RNF145: variants seen among roughly 807,000 people sequenced by gnomAD.
RNF145 encodes ring finger protein 145.
RNF145 carries 12 observed loss-of-function variants against 57.3 expected under a neutral mutation model. The ratio of observed to expected loss-of-function variants is 0.21; its 90% confidence interval spans 0.13 to 0.34. The LOEUF is 0.34. Ranked by LOEUF, RNF145 falls within the 10% of genes least tolerant of loss-of-function variation. The pLI, the probability that RNF145 is intolerant of heterozygous loss-of-function variation, is 1.00. For missense variants in RNF145, 429 were observed against 799.0 expected, an observed-to-expected ratio of 0.54 and a Z score of 5.58; for synonymous variants, 262 against 288.3, an observed-to-expected ratio of 0.91 and a Z score of 0.92.
At chr5:159,204,291 C>A (rs1209077253) in intron 1 of RNF145, among the ~76,000 whole-genome samples, 1 of 151,970 alleles carries the variant, frequency 6.6e-6, no homozygotes, top group Non-Finnish European at 1.5e-5. Context: ...AAGTGTTCAT[C>A]AAATTCTTCC....
At chr5:159,164,567 A>C (rs1784332912) in intron 8 of RNF145, among the ~76,000 whole-genome samples, 1 of 152,208 alleles carries the variant, frequency 6.6e-6, no homozygotes, top group Middle Eastern at 3.2e-3. Context: ...ATATACACAC[A>C]AACATATACA....
rs1785985131 is a variant in RNF145 at position 159,208,555 on chromosome 5, G to A, written c.-40+676C>T. On this transcript the variant is annotated intron_variant, in intron 1 of 10. Transcript: ENST00000424310. ...CCCTCTTACTATAAAAGGGACTGAC[G>A]GACGGGATGCAGAGCAATGGGCCCC... Among the ~76,000 whole-genome samples, 3 of 152,078 alleles carry A rather than the reference G, an allele frequency of 2.0e-5. No individual in the cohort carries two copies. The South Asian group carries it at 6.2e-4, about 31-fold the overall frequency.
At chr5:159,208,889 G>A (rs1403852719) in intron 1 of RNF145, among the ~76,000 whole-genome samples, 6 of 144,970 alleles carry the variant, frequency 4.1e-5, no homozygotes, top group Admixed American at 2.0e-4. Context: ...AGCGCTCCAG[G>A]CCCTGGGAAG....
At position 159,176,849 on chromosome 5, in the gene RNF145, G is replaced by A; in HGVS notation, c.404C>T (p.Thr135Ile). The A allele has an allele frequency of 6.2e-7, 1 of 1,609,480 alleles. No homozygotes were observed. Among genetic ancestry groups the A allele is most frequent in the South Asian group, 1.1e-5 (1 of 90,660 alleles). ...TALIGQLVVCTLCSCVMKTKQ... is the reference protein window; with the variant it reads ...TALIGQLVVCILCSCVMKTKQ... ...TGTTTTCATGACACAGGAGCATAAA[G>A]TACACACCACCAACTGACCTAAAAT... Residue 135 changes from threonine (T) to isoleucine (I), a missense_variant, in exon 5 of 11, where the codon ACT becomes ATT. Coordinates refer to ENST00000424310, the MANE Select transcript of RNF145 (RefSeq NM_001199383.2).
In RNF145 at chr5:159,181,780, T is replaced by C. The variant is rs952033669; in HGVS notation, c.385+180A>G. Among the ~76,000 whole-genome samples the C allele has an allele frequency of 2.7e-5, 4 of 150,790 alleles. No individual in the cohort carries two copies. In the East Asian group the frequency reaches 5.8e-4, roughly 22 times the overall value. ...AATATGACTATAAATACATAATCTA[T>C]ACATGGGGAAAAGAAGACTTAAAAA... On this transcript the variant is annotated intron_variant, in intron 4 of 10. Coordinates refer to ENST00000424310, the MANE Select transcript of RNF145 (RefSeq NM_001199383.2).
chr5:159,172,479 CA>C (rs57179088), intron 6 of RNF145, among the ~76,000 whole-genome samples: 143 of 135,458 alleles, frequency 1.1e-3, no homozygotes, highest in Admixed American at 1.3e-3. Flanking sequence ...GATTCCGTCT[CA>C]AAAAAAAAAA....
chr5:159,201,561 T>C (rs1785668183), intron 2 of RNF145, among the ~76,000 whole-genome samples: 1 of 152,174 alleles, frequency 6.6e-6, no homozygotes, highest in Non-Finnish European at 1.5e-5. Context: ...AGAGAGTCTT[T>C]AAGATCCGGC....
intron 2 of RNF145, among the ~76,000 whole-genome samples, chr5:159,199,401 A>C (rs1785585847): frequency 6.6e-6 from 1 of 152,156 alleles, no homozygotes. Flanking sequence ...AAAAAAAAAA[A>C]AACACTTTCA....
At chr5:159,187,839 A>C (rs1257600132) in intron 3 of RNF145, among the ~76,000 whole-genome samples, 2 of 152,182 alleles carry the variant, frequency 1.3e-5, no homozygotes, top group African/African-American at 4.8e-5. Flanking sequence ...CCTGAGAAAG[A>C]GCAGCCCCAA....
At chr5:159,171,341 A>G (rs1051121485) in intron 6 of RNF145, among the ~76,000 whole-genome samples, 3 of 152,200 alleles carry the variant, frequency 2.0e-5, no homozygotes, top group African/African-American at 7.2e-5. Context: ...CTGAAAATTT[A>G]ACCAAAGGTC....
chr5:159,181,626 T>C (rs1036029075), intron 4 of RNF145, among the ~76,000 whole-genome samples: 1 of 152,060 alleles, frequency 6.6e-6, no homozygotes, highest in African/African-American at 2.4e-5. Context: ...TCAACAGCAA[T>C]AAGTAAATTT....
At position 159,157,983 on chromosome 5, in the gene RNF145, C is replaced by T. The variant is rs10035989; in HGVS notation, c.*687G>A. 0.86 allele frequency: 131,899 copies of T among 152,766 alleles called. 57,341 individuals carry two copies. Among genetic ancestry groups the T allele is most frequent in the African/African-American group, 0.96 (39,952 of 41,558 alleles). 9.5% of individuals were successfully genotyped at this position (152,766 alleles called of 1,614,324 possible). On this transcript the variant is annotated 3_prime_UTR_variant, in exon 11 of 11. Transcript: ENST00000424310. ...CAAAAGTTTCATATACATCAAAATACTGAAGACTCCGTCATAAAGTTCAAG... is the reference window on the plus strand; with the variant it reads ...CAAAAGTTTCATATACATCAAAATATTGAAGACTCCGTCATAAAGTTCAAG...
chr5:159,189,785 A>G (rs1785220835), intron 3 of RNF145, among the ~76,000 whole-genome samples: 1 of 152,232 alleles, frequency 6.6e-6, no homozygotes. Flanking sequence ...GCACCAACAC[A>G]TGCTGCAACA....
intron 4 of RNF145, 46 bp from the exon 5 acceptor site, chr5:159,176,913 C>T (rs770920954): frequency 6.7e-6 from 8 of 1,190,660 alleles, no homozygotes; most frequent in Non-Finnish European, 9.6e-6. Context: ...ATTTGGCATC[C>T]ACAAAATAAA....
chr5:159,182,114 C>T, intron 3 of RNF145, 63 bp from the exon 4 acceptor site: 1 of 973,032 alleles, frequency 1.0e-6, no homozygotes, highest in Non-Finnish European at 1.6e-6. Flanking sequence ...TCACAATATG[C>T]TTATAAAAGC....
intron 3 of RNF145, among the ~76,000 whole-genome samples, chr5:159,190,387 T>TA (rs1041646192): frequency 2.0e-5 from 3 of 150,750 alleles, no homozygotes; most frequent in African/African-American, 4.9e-5. Flanking sequence ...AGTTGTTATT[T>TA]AAAAAAAAAT....
intron 8 of RNF145, 34 bp downstream of exon 8, chr5:159,168,839 G>C (rs115514582): frequency 1.5e-6 from 2 of 1,329,202 alleles, no homozygotes; most frequent in Non-Finnish European, 2.0e-6. Flanking sequence ...AATATTACAT[G>C]AGTTAATTTA....
At position 159,178,937 on chromosome 5, in the gene RNF145, G is replaced by T. The variant is rs535625848; in HGVS notation, c.386-2070C>A. 3.3e-5 allele frequency among the ~76,000 whole-genome samples: 5 copies of T among 151,958 alleles called. No individual in the cohort carries two copies. The East Asian group carries it at 9.7e-4, about 29-fold the overall frequency. On this transcript the variant is annotated intron_variant, in intron 4 of 10. Transcript: ENST00000424310. ...TTTATCTCACAAAGCATTAATTTTG[G>T]CCTTTAAAAAACTGATACTAAAGTA...
chr5:159,209,556 C>A (rs1437581394), upstream of RNF145: 11 of 988,930 alleles, frequency 1.1e-5, no homozygotes, highest in Non-Finnish European at 1.2e-5. Flanking sequence ...CGCTCTGCGG[C>A]GGCCGCGGCC....
Sources: gnomAD v4.1 joint callset for allele counts (sites outside exome capture counted in the v4.1 genomes callset) on GRCh38, gnomAD v4.1.1 for gene constraint, MANE v1.5 for transcripts, NCBI Gene and HGNC (gene_info 2026-07-23, HGNC 2026-07-21) for gene names.